The following TACC2 variants were observed in gnomAD, a reference collection of about 807,000 sequenced individuals.
TACC2 encodes the protein transforming acidic coiled-coil containing protein 2.
Under a neutral mutation model 227.3 loss-of-function variants are expected in TACC2, and 137 were observed. That is an observed-to-expected ratio of 0.60 (90% CI 0.52 to 0.69). The LOEUF (loss-of-function observed/expected upper bound fraction) is 0.69. Ranked by LOEUF, TACC2 falls within the 30% of genes least tolerant of loss-of-function variation. The pLI is 0.00. For missense variants in TACC2, 3,470 were observed against 3,694.4 expected (o/e 0.94, Z 1.57); for synonymous variants, 1,523 against 1,487.5 (o/e 1.02, Z -0.55).
At chr10:122,033,072 G>A (rs1959173788) in intron 2 of TACC2, 3 of 1,287,080 alleles carry the variant, frequency 2.3e-6, no homozygotes, top group Non-Finnish European at 3.0e-6. Flanking sequence ...TGTCCTAACG[G>A]TGAGATCCCT....
At chr10:122,169,624 C>G (rs1281596462) in intron 7 of TACC2, among the ~76,000 whole-genome samples, 1 of 152,186 alleles carries the variant, frequency 6.6e-6, no homozygotes, top group Admixed American at 6.5e-5. Flanking sequence ...AGACTTATGT[C>G]CCCTTTGGCC....
At chr10:122,229,568 G>A in intron 15 of TACC2, 82 bp downstream of exon 15, 1 of 1,532,032 alleles carries the variant, frequency 6.5e-7, no homozygotes, top group Non-Finnish European at 8.9e-7. Context: ...ATGAAATAAG[G>A]CAGGATTTGA....
intron 3 of TACC2, among the ~76,000 whole-genome samples, chr10:122,063,709 T>C (rs2077083115): frequency 6.6e-6 from 1 of 152,072 alleles, no homozygotes; most frequent in Non-Finnish European, 1.5e-5. Context: ...ACACTCTTCT[T>C]TTTTCTAGTT....
chr10:122,132,948 C>G (rs1326335897), intron 6 of TACC2, among the ~76,000 whole-genome samples: 2 of 152,110 alleles, frequency 1.3e-5, no homozygotes, highest in Non-Finnish European at 2.9e-5. Context: ...TCTGAGATAC[C>G]AGGAAGACCG....
At chr10:122,237,755 T>C (rs1314478924) in intron 17 of TACC2, among the ~76,000 whole-genome samples, 1 of 152,242 alleles carries the variant, frequency 6.6e-6, no homozygotes, top group Non-Finnish European at 1.5e-5. Context: ...CCCCTTTCAG[T>C]TGCTCCCCAG....
chr10:122,075,649 G>A (rs1233574310), intron 3 of TACC2, among the ~76,000 whole-genome samples: 2 of 152,156 alleles, frequency 1.3e-5, no homozygotes, highest in African/African-American at 2.4e-5. Context: ...TTCAGTCCTC[G>A]AATCCTCTCA....
intron 18 of TACC2, among the ~76,000 whole-genome samples, chr10:122,240,017 T>C (rs1273561656): frequency 6.6e-6 from 1 of 152,216 alleles, no homozygotes; most frequent in African/African-American, 2.4e-5. Context: ...ACATCTGGGC[T>C]CTGCCACTTG....
intron 5 of TACC2, among the ~76,000 whole-genome samples, chr10:122,112,462 C>T (rs1043498393): frequency 1.2e-4 from 19 of 152,208 alleles, no homozygotes; most frequent in African/African-American, 4.3e-4. Flanking sequence ...TGCAAACTGT[C>T]CAGCACAGCC....
At chr10:122,186,833 CA>C (rs1193445783) in intron 7 of TACC2, among the ~76,000 whole-genome samples, 1 of 152,154 alleles carries the variant, frequency 6.6e-6, no homozygotes, top group African/African-American at 2.4e-5. Context: ...TTTAAGATTC[CA>C]ATTTAAGTTA....
At position 122,084,949 on chromosome 10, in the gene TACC2, G is replaced by A. The variant is rs762507712; in HGVS notation, c.2449G>A (p.Ala817Thr). The stretch of plus-strand genomic sequence containing the variant: ...CCCAGGGGAAGGCTGGATAAGAGGA[G>A]CTGCATCCGAGTGGCCCCTACTATC... ...SCPGEGWIRG[A>T]ASEWPLLSSE... The change falls in exon 4 of 23, where the codon GCT (alanine) becomes ACT (threonine). Residue 817 changes from alanine to threonine, a missense_variant. By Grantham distance (58) the Ala-to-Thr change is moderately conservative. Transcript: ENST00000369005. 9 of 1,614,200 alleles carry A rather than the reference G, an allele frequency of 5.6e-6. No individual in the cohort carries two copies. Among genetic ancestry groups the A allele is most frequent in the Admixed American group, 3.3e-5 (2 of 60,032 alleles).
chr10:122,163,669 A>ACGCCGGCCCCACTCGGGCGCG, intron 7 of TACC2: 1 of 1,040,842 alleles, frequency 9.6e-7, no homozygotes, highest in Non-Finnish European at 1.2e-6. Context: ...AGAGCCGCGC[A>ACGCCGGCCCCACTCGGGCGCG]CGCCGGCCAC....
At position 122,085,794 on chromosome 10, in the gene TACC2, G is replaced by T. The variant is rs746589548; in HGVS notation, c.3294G>T (p.Gln1098His). 1.2e-6 allele frequency: 2 copies of T among 1,613,516 alleles called. No homozygotes were observed. The highest frequency in any genetic ancestry group is 1.7e-6 in the Non-Finnish European group (2 of 1,179,776). The part of the protein sequence containing the change: ...GRQQPVPAPQ[Q>H]KMECWATSDA... ...AGCAACCAGTGCCGGCCCCGCAGCA[G>T]AAAATGGAGTGCTGGGCCACTTCGG... Residue 1098 changes from glutamine (Q) to histidine (H), a missense_variant, in exon 4 of 23, where the codon CAG (glutamine) becomes CAT (histidine). Physicochemically the swap from Gln to His is conservative, Grantham distance 24. This residue lies in a region of TACC2 where 1,924 missense variants were observed against 1,978.3 expected (regional missense o/e 0.97). Coordinates refer to ENST00000369005, the MANE Select transcript of TACC2 (RefSeq NM_206862.4).
At chr10:122,188,642 T>C (rs1238327056) in intron 7 of TACC2, among the ~76,000 whole-genome samples, 1 of 152,176 alleles carries the variant, frequency 6.6e-6, no homozygotes, top group Non-Finnish European at 1.5e-5. Context: ...CTGTATTCAA[T>C]TAACACCTGG....
chr10:122,095,118 GC>G (rs1257056493), intron 5 of TACC2, among the ~76,000 whole-genome samples: 1 of 152,192 alleles, frequency 6.6e-6, no homozygotes, highest in Non-Finnish European at 1.5e-5. Flanking sequence ...CTGGGTTTTG[GC>G]CCCTGATGGC....
In TACC2 at chr10:122,141,775, C is replaced by T. The variant is rs1207522331; in HGVS notation, c.5700-1797C>T. Reference sequence around the variant, plus strand: ...ATCACAGAACCACAAACAATACCACCTTTCCACAATTTGCATTAAACTAAG... The same window carrying T: ...ATCACAGAACCACAAACAATACCACTTTTCCACAATTTGCATTAAACTAAG... On this transcript the variant is annotated intron_variant, in intron 6 of 22. Coordinates refer to ENST00000369005, the MANE Select transcript of TACC2 (RefSeq NM_206862.4). The surrounding 1 kb of genome is among the most constrained non-coding windows in gnomAD (Gnocchi z 4.3). 6.6e-6 allele frequency among the ~76,000 whole-genome samples: 1 copy of T among 152,134 alleles called. No individual in the cohort carries two copies. Among genetic ancestry groups the T allele is most frequent in the Non-Finnish European group, 1.5e-5 (1 of 68,030 alleles).
chr10:121,994,872 C>T (rs1253900285), intron 1 of TACC2, among the ~76,000 whole-genome samples: 1 of 152,136 alleles, frequency 6.6e-6, no homozygotes, highest in African/African-American at 2.4e-5. Flanking sequence ...TTTTTTAAGC[C>T]AAATGAACTG....
In TACC2 at chr10:122,249,163, T is replaced by C. The variant is rs369421770; in HGVS notation, c.8660+7T>C. ...CGGAGGAGAAACTGGACAGGTAACA[T>C]TTAGCCACTGGGGGTGGCTCCCAGG... is the stretch of plus-strand genomic sequence containing the variant. On this transcript the variant is annotated splice_region_variant and intron_variant, in intron 21 of 22. Transcript: ENST00000369005. 4.7e-5 allele frequency: 75 copies of C among 1,602,860 alleles called. 1 individual carries two copies. In the African/African-American group the frequency reaches 8.7e-4, roughly 19 times the overall value.
chr10:122,195,389 G>T (rs1026583119), intron 8 of TACC2, among the ~76,000 whole-genome samples: 4 of 152,144 alleles, frequency 2.6e-5, no homozygotes, highest in East Asian at 3.9e-4. Context: ...AGAATTTTAG[G>T]GGGGGCCTCT....
chr10:122,113,430 C>G (rs1478484297), intron 5 of TACC2, among the ~76,000 whole-genome samples: 2 of 152,246 alleles, frequency 1.3e-5, no homozygotes, highest in African/African-American at 4.8e-5. Context: ...GCGGGGAAAC[C>G]GCGGGCCCCA....
Sources: allele counts gnomAD v4.1 joint callset (sites outside exome capture counted in the v4.1 genomes callset), GRCh38; gene constraint gnomAD v4.1.1; regional missense constraint gnomAD v4.1.1; non-coding constraint Gnocchi (gnomAD v3.1); transcripts MANE v1.5; gene names NCBI Gene and HGNC (gene_info 2026-07-23, HGNC 2026-07-21).